Variants in XKR6 observed in about 807,000 individuals in gnomAD.
The protein encoded by XKR6 is XK-related protein 6.
XKR6 carries 22 observed loss-of-function variants against 56.7 expected under a neutral mutation model. The observed-to-expected ratio is 0.39, with a 90% CI of 0.28 to 0.55. The LOEUF is 0.55. Among genes scored for constraint, XKR6 ranks in the 20% least tolerant of loss-of-function variants. The pLI, the probability that XKR6 is intolerant of heterozygous loss-of-function variation, is 0.66. For synonymous variants in XKR6, 524 were observed against 387.8 expected (o/e 1.35, Z -4.13); for missense variants, 852 against 889.0 (o/e 0.96, Z 0.53).
chr8:11,013,405 G>A (rs1195429110), intron 1 of XKR6, among the ~76,000 whole-genome samples: 1 of 152,200 alleles, frequency 6.6e-6, no homozygotes, highest in African/African-American at 2.4e-5. Flanking sequence ...CCACAGAGGT[G>A]AAGCTTCAGG....
intron 1 of XKR6, chr8:11,106,022 TACATCCTTTTACACAAAAC>T (rs1798661111): frequency 6.6e-6 from 1 of 152,246 alleles, no homozygotes; most frequent in Non-Finnish European, 1.5e-5. Context: ...GATTGCAGAC[TACATCCTTTTACACAAAAC>T]ACATTTGTAG....
chr8:10,941,712 G>GGCTCATGGGT (rs957216372), intron 1 of XKR6, among the ~76,000 whole-genome samples: 5 of 152,216 alleles, frequency 3.3e-5, no homozygotes, highest in African/African-American at 1.2e-4. Flanking sequence ...GTGGCCTGGG[G>GGCTCATGGGT]GCTCATGGGT....
At chr8:10,911,618 T>C (rs1453651029) in intron 2 of XKR6, among the ~76,000 whole-genome samples, 1 of 146,352 alleles carries the variant, frequency 6.8e-6, no homozygotes. Context: ...CATATATATG[T>C]AGACAGAGAG....
At chr8:10,956,853 T>C (rs1190861394) in intron 1 of XKR6, among the ~76,000 whole-genome samples, 3 of 152,206 alleles carry the variant, frequency 2.0e-5, no homozygotes, top group African/African-American at 4.8e-5. Flanking sequence ...CTCTCTCCTC[T>C]TCTGGGCTTC....
chr8:10,950,277 C>T (rs927026479), intron 1 of XKR6, among the ~76,000 whole-genome samples: 2 of 152,246 alleles, frequency 1.3e-5, no homozygotes, highest in African/African-American at 2.4e-5. Context: ...CCCCGGCCTC[C>T]TCTAGGTCCC....
intron 1 of XKR6, among the ~76,000 whole-genome samples, chr8:11,148,069 G>C (rs1801079563): frequency 6.6e-6 from 1 of 152,058 alleles, no homozygotes; most frequent in Admixed American, 6.6e-5. Context: ...AATTAGCTGG[G>C]CGTGGTGGCA....
intron 2 of XKR6, among the ~76,000 whole-genome samples, chr8:10,922,304 C>T: frequency 6.6e-6 from 1 of 152,222 alleles, no homozygotes; most frequent in East Asian, 1.9e-4. Context: ...CAAATCTGCC[C>T]ATGAGAGCAC....
At chr8:11,135,067 C>G (rs147215131) in intron 1 of XKR6, among the ~76,000 whole-genome samples, 11,144 of 148,692 alleles carry the variant, frequency 0.075, 475 homozygotes, top group South Asian at 0.095. Flanking sequence ...GAGTCTCCCT[C>G]TGTCGCCCAG....
chr8:11,071,868 A>G (rs989227003), intron 1 of XKR6, among the ~76,000 whole-genome samples: 2 of 152,032 alleles, frequency 1.3e-5, no homozygotes, highest in East Asian at 3.8e-4. Context: ...ATCACAGGGA[A>G]TCACTCTTCC....
At chr8:10,982,668 G>C (rs577815966) in intron 1 of XKR6, among the ~76,000 whole-genome samples, 4 of 152,306 alleles carry the variant, frequency 2.6e-5, no homozygotes, top group African/African-American at 9.6e-5. Flanking sequence ...AGTGATGTGG[G>C]TGCAAGTCTA....
At chr8:10,984,896 T>G (rs561355915) in intron 1 of XKR6, among the ~76,000 whole-genome samples, 2 of 151,886 alleles carry the variant, frequency 1.3e-5, no homozygotes, top group South Asian at 2.1e-4. Flanking sequence ...TTCATAAATT[T>G]AATATGATCC....
chr8:10,945,855 T>C (rs1004061216), intron 1 of XKR6, among the ~76,000 whole-genome samples: 2 of 152,108 alleles, frequency 1.3e-5, no homozygotes, highest in African/African-American at 4.8e-5. Flanking sequence ...GCAGAGCAGC[T>C]CATGGGAACT....
At chr8:10,923,236 T>C (rs931103440) in intron 2 of XKR6, among the ~76,000 whole-genome samples, 4 of 152,238 alleles carry the variant, frequency 2.6e-5, no homozygotes, top group African/African-American at 9.6e-5. Flanking sequence ...GGCCTGGCTT[T>C]CCCTGTGTCC....
intron 1 of XKR6, among the ~76,000 whole-genome samples, chr8:11,146,560 G>A (rs981305927): frequency 1.3e-5 from 2 of 151,066 alleles, no homozygotes; most frequent in Admixed American, 1.3e-4. Flanking sequence ...GCCTAGGAGA[G>A]AGAGGCTGCA....
At chr8:11,049,881 C>T (rs1184586329) in intron 1 of XKR6, among the ~76,000 whole-genome samples, 1 of 152,200 alleles carries the variant, frequency 6.6e-6, no homozygotes, top group African/African-American at 2.4e-5. Context: ...GAGAGAAAGA[C>T]TGTGTCTGCT....
At chr8:10,928,114 A>T (rs1003203831) in intron 1 of XKR6, among the ~76,000 whole-genome samples, 8 of 152,290 alleles carry the variant, frequency 5.3e-5, no homozygotes, top group Admixed American at 4.6e-4. Flanking sequence ...TGGACCCTGG[A>T]GGTCTAGTCC....
At chr8:11,025,577 C>T (rs965287858) in intron 1 of XKR6, among the ~76,000 whole-genome samples, 18 of 152,114 alleles carry the variant, frequency 1.2e-4, no homozygotes, top group African/African-American at 4.3e-4. Context: ...GGTAAGTACA[C>T]GGAAAGAAGT....
intron 1 of XKR6, among the ~76,000 whole-genome samples, chr8:10,992,606 T>A (rs753477142): frequency 1.6e-4 from 24 of 152,188 alleles, no homozygotes; most frequent in Non-Finnish European, 2.4e-4. Flanking sequence ...CTTGTTCTTA[T>A]CATGAAGGAA....
chr8:10,973,134 A>C (rs1034536133), intron 1 of XKR6, among the ~76,000 whole-genome samples: 1 of 152,234 alleles, frequency 6.6e-6, no homozygotes, highest in Non-Finnish European at 1.5e-5. Context: ...GCATTATAGG[A>C]CTAGAGTTTT....
Sources: gnomAD v4.1 joint callset for allele counts (sites outside exome capture counted in the v4.1 genomes callset) on GRCh38, gnomAD v4.1.1 for gene constraint, MANE v1.5 for transcripts, NCBI Gene and HGNC (gene_info 2026-07-23, HGNC 2026-07-21) for gene names.